The following NAALADL2 variants were observed in gnomAD, a reference collection of about 807,000 sequenced individuals.
The protein encoded by NAALADL2 is N-acetylated alpha-linked acidic dipeptidase like 2.
A neutral mutation model predicts 87.2 loss-of-function variants in NAALADL2; 76 were observed. That is an observed-to-expected ratio of 0.87 (90% CI 0.72 to 1.05). The LOEUF (loss-of-function observed/expected upper bound fraction) is 1.05. Ranked by LOEUF, NAALADL2 falls within the 50% of genes least tolerant of loss-of-function variation. The pLI is 0.00. For synonymous variants in NAALADL2, 354 were observed against 331.0 expected (o/e 1.07, Z -0.75); for missense variants, 1,089 against 945.8 (o/e 1.15, Z -1.99).
At position 175,308,091 on chromosome 3, in the gene NAALADL2, T is replaced by C. The variant is rs192030295; in HGVS notation, c.940-16084T>C. Reference sequence around the variant, plus strand: ...TATTATTGTTTTAATCAAGTTTAGATGTATTCATGTGGGATAGACATTTTT... The same window carrying C: ...TATTATTGTTTTAATCAAGTTTAGACGTATTCATGTGGGATAGACATTTTT... On this transcript the variant is annotated intron_variant, in intron 4 of 13. Coordinates refer to ENST00000454872, the MANE Select transcript of NAALADL2 (RefSeq NM_207015.3). Among the ~76,000 whole-genome samples the C allele has an allele frequency of 4.5e-4, 69 of 152,352 alleles. 1 individual carries two copies. Among genetic ancestry groups the C allele is most frequent in the South Asian group, 4.3e-3 (21 of 4,830 alleles).
In NAALADL2 at chr3:175,242,735, C is replaced by A. The variant is rs149853922; in HGVS notation, c.819+8531C>A. Among the ~76,000 whole-genome samples the A allele has an allele frequency of 6.1e-3, 922 of 152,234 alleles. 7 individuals are homozygous for A. Among genetic ancestry groups the A allele is most frequent in the African/African-American group, 0.021 (869 of 41,548 alleles). On this transcript the variant is annotated intron_variant, in intron 3 of 13. Transcript: ENST00000454872. ...ACTTTCAGCAAATACATTTTGAGTA[C>A]CTTTTATACATTAATCGCAGGGGAC...
At chr3:175,151,690 A>C (rs981643257) in intron 2 of NAALADL2, among the ~76,000 whole-genome samples, 1 of 152,164 alleles carries the variant, frequency 6.6e-6, no homozygotes, top group African/African-American at 2.4e-5. Flanking sequence ...ATACATACAT[A>C]CACGCACATG....
chr3:175,316,784 A>G (rs1759199443), intron 4 of NAALADL2, among the ~76,000 whole-genome samples: 1 of 152,214 alleles, frequency 6.6e-6, no homozygotes, highest in Non-Finnish European at 1.5e-5. Flanking sequence ...CAGCATGTTC[A>G]AAATGTAGTT....
At chr3:174,571,590 G>C (rs1464859818) in intron 2 of NAALADL2, among the ~76,000 whole-genome samples, 1 of 151,982 alleles carries the variant, frequency 6.6e-6, no homozygotes, top group East Asian at 1.9e-4. Context: ...TGTTGGTCAG[G>C]CTGGTCTCGA....
At chr3:174,992,571 C>G (rs1746882278) in intron 1 of NAALADL2, among the ~76,000 whole-genome samples, 1 of 151,932 alleles carries the variant, frequency 6.6e-6, no homozygotes, top group Non-Finnish European at 1.5e-5. Flanking sequence ...TTTCAGAGAC[C>G]TGATTTTATC....
chr3:175,626,737 C>CA (rs919229052), intron 10 of NAALADL2, among the ~76,000 whole-genome samples: 2 of 151,886 alleles, frequency 1.3e-5, no homozygotes, highest in Non-Finnish European at 2.9e-5. Flanking sequence ...ATAACATCTT[C>CA]ATGAGTTTTG....
intron 6 of NAALADL2, among the ~76,000 whole-genome samples, chr3:175,448,619 A>G (rs1721061127): frequency 6.6e-6 from 1 of 152,224 alleles, no homozygotes. Flanking sequence ...GCTACAAAAA[A>G]TAGCTACAAC....
At chr3:174,888,976 A>G (rs950298798) in intron 1 of NAALADL2, among the ~76,000 whole-genome samples, 13 of 152,276 alleles carry the variant, frequency 8.5e-5, no homozygotes, top group African/African-American at 2.9e-4. Context: ...TGTTTCCTAT[A>G]ATATATTAGG....
At chr3:175,364,707 C>G (rs539181651) in intron 5 of NAALADL2, among the ~76,000 whole-genome samples, 1 of 147,354 alleles carries the variant, frequency 6.8e-6, no homozygotes, top group South Asian at 2.2e-4. Flanking sequence ...GACAAAGAGA[C>G]CCTTTTTTTT....
At chr3:175,193,275 G>A (rs895503478) in intron 2 of NAALADL2, among the ~76,000 whole-genome samples, 1 of 151,662 alleles carries the variant, frequency 6.6e-6, no homozygotes, top group African/African-American at 2.4e-5. Context: ...GTAAAATGGG[G>A]ACCCATGTGC....
At chr3:174,818,149 C>T (rs544710398) in intron 3 of NAALADL2, among the ~76,000 whole-genome samples, 9 of 152,196 alleles carry the variant, frequency 5.9e-5, no homozygotes, top group East Asian at 5.8e-4. Context: ...TTGTGTCCTT[C>T]GAAATGCCAA....
At position 175,366,679 on chromosome 3, in the gene NAALADL2, A is replaced by G. The variant is rs376386115; in HGVS notation, c.1090+42354A>G. On this transcript the variant is annotated intron_variant, in intron 5 of 13. Transcript: ENST00000454872. ...CTTCTTTTGAGAAGTGTCTGTTCATATCCTTCGCCCACTTTTTGATGGGGT... is the reference window on the plus strand; with the variant it reads ...CTTCTTTTGAGAAGTGTCTGTTCATGTCCTTCGCCCACTTTTTGATGGGGT... 1.4e-3 allele frequency among the ~76,000 whole-genome samples: 219 copies of G among 151,232 alleles called. 2 individuals are homozygous for G. Among genetic ancestry groups the G allele is most frequent in the African/African-American group, 4.9e-3 (202 of 41,218 alleles).
chr3:174,533,687 T>C (rs1721455522), intron 1 of NAALADL2, among the ~76,000 whole-genome samples: 1 of 151,492 alleles, frequency 6.6e-6, no homozygotes, highest in Non-Finnish European at 1.5e-5. Context: ...GATTACAGTG[T>C]ATGTCACTTA....
At chr3:175,300,811 G>A (rs1175130970) in intron 4 of NAALADL2, among the ~76,000 whole-genome samples, 1 of 142,074 alleles carries the variant, frequency 7.0e-6, no homozygotes, top group African/African-American at 2.6e-5. Flanking sequence ...TATTTATTTT[G>A]AGCTCACTGC....
intron 5 of NAALADL2, among the ~76,000 whole-genome samples, chr3:175,363,630 A>G (rs1765262886): frequency 6.8e-6 from 1 of 147,884 alleles, no homozygotes; most frequent in Admixed American, 6.9e-5. Flanking sequence ...CATGTACCTT[A>G]ATATGAAATC....
At chr3:175,464,452 A>C (rs1262224126) in intron 7 of NAALADL2, among the ~76,000 whole-genome samples, 4 of 151,942 alleles carry the variant, frequency 2.6e-5, no homozygotes, top group Non-Finnish European at 5.9e-5. Context: ...TGAAATCTTC[A>C]GATATTATGT....
At chr3:175,127,367 T>G (rs1727128060) in intron 2 of NAALADL2, among the ~76,000 whole-genome samples, 1 of 152,094 alleles carries the variant, frequency 6.6e-6, no homozygotes, top group African/African-American at 2.4e-5. Context: ...TTCCAAAGAT[T>G]CATGAAGTTT....
At chr3:175,551,201 A>G (rs749324519) in intron 9 of NAALADL2, among the ~76,000 whole-genome samples, 2 of 152,130 alleles carry the variant, frequency 1.3e-5, no homozygotes, top group African/African-American at 2.4e-5. Context: ...ATCTGAACCA[A>G]CCAATCAAGA....
chr3:175,383,186 T>C (rs1463864128), intron 5 of NAALADL2, among the ~76,000 whole-genome samples: 1 of 152,072 alleles, frequency 6.6e-6, no homozygotes, highest in African/African-American at 2.4e-5. Context: ...GTTAGGAGGC[T>C]TTCAGTTACA....
Sources: gnomAD v4.1 joint callset for allele counts (sites outside exome capture counted in the v4.1 genomes callset) on GRCh38, gnomAD v4.1.1 for gene constraint, MANE v1.5 for transcripts, NCBI Gene and HGNC (gene_info 2026-07-23, HGNC 2026-07-21) for gene names.